LRBA: variants seen among roughly 807,000 people sequenced by gnomAD.
LRBA encodes the protein lipopolysaccharide-responsive and beige-like anchor protein.
In LRBA, 176 loss-of-function variants were observed where a neutral mutation model predicts 330.0. The observed-to-expected ratio is 0.53, with a 90% CI of 0.47 to 0.60. LRBA has a LOEUF of 0.60. Among genes scored for constraint, LRBA ranks in the 20% least tolerant of loss-of-function variants. The pLI is 0.00. For synonymous variants in LRBA, 1,230 were observed against 1,193.0 expected, an observed-to-expected ratio of 1.03 and a Z score of -0.64; for missense variants, 3,259 against 3,444.8, an observed-to-expected ratio of 0.95 and a Z score of 1.35.
intron 11 of LRBA, among the ~76,000 whole-genome samples, chr4:150,907,770 C>A (rs1731514667): frequency 6.6e-6 from 1 of 152,056 alleles, no homozygotes; most frequent in South Asian, 2.1e-4. Flanking sequence ...TTATGACTTA[C>A]CCTATAACTT....
At chr4:151,014,246 C>T (rs977950199) in intron 2 of LRBA, 181 bp downstream of exon 2, 6 of 565,164 alleles carry the variant, frequency 1.1e-5, no homozygotes, top group Non-Finnish European at 1.9e-5. Flanking sequence ...TCTAAGTTTG[C>T]ACAATTCCCT....
At chr4:150,516,322 A>C (rs1762358182) in intron 40 of LRBA, among the ~76,000 whole-genome samples, 1 of 141,402 alleles carries the variant, frequency 7.1e-6, no homozygotes, top group Non-Finnish European at 1.5e-5. Flanking sequence ...AAGCACCTAG[A>C]CTGTACAGTG....
intron 22 of LRBA, among the ~76,000 whole-genome samples, chr4:150,857,981 TTA>T (rs1185927400): frequency 1.3e-5 from 2 of 152,122 alleles, no homozygotes; most frequent in Admixed American, 6.6e-5. Flanking sequence ...TAGCAAATAA[TTA>T]TATGTTATGT....
intron 34 of LRBA, among the ~76,000 whole-genome samples, chr4:150,774,118 C>G (rs1357423490): frequency 2.0e-5 from 3 of 152,152 alleles, no homozygotes; most frequent in African/African-American, 7.2e-5. Flanking sequence ...TTTCATGGAG[C>G]ATTTTGCCAA....
chr4:150,712,860 C>A (rs1786365799), intron 36 of LRBA, among the ~76,000 whole-genome samples: 1 of 152,088 alleles, frequency 6.6e-6, no homozygotes, highest in Non-Finnish European at 1.5e-5. Flanking sequence ...ATCACACACA[C>A]ATTTAGGAGG....
At chr4:151,001,708 A>C (rs1743359020) in intron 2 of LRBA, among the ~76,000 whole-genome samples, 1 of 152,128 alleles carries the variant, frequency 6.6e-6, no homozygotes, top group Non-Finnish European at 1.5e-5. Context: ...CTGGCTACCC[A>C]GAAGACTGAG....
intron 17 of LRBA, among the ~76,000 whole-genome samples, chr4:150,884,540 C>A (rs1051258171): frequency 1.1e-4 from 16 of 152,252 alleles, no homozygotes; most frequent in African/African-American, 2.6e-4. Flanking sequence ...GTAGCTAAAT[C>A]ATTGACTGAA....
At chr4:150,470,126 T>A (rs1324772102) in intron 43 of LRBA, among the ~76,000 whole-genome samples, 1 of 152,156 alleles carries the variant, frequency 6.6e-6, no homozygotes, top group African/African-American at 2.4e-5. Flanking sequence ...GAGGTTGCAG[T>A]GAGCCGAGAT....
intron 36 of LRBA, among the ~76,000 whole-genome samples, chr4:150,700,593 A>AT (rs1785026310): frequency 2.0e-5 from 3 of 152,124 alleles, no homozygotes; most frequent in Admixed American, 2.0e-4. Flanking sequence ...ATTAGAAATT[A>AT]TTTTCTTCAA....
In LRBA at chr4:150,285,999, G is replaced by A. The variant is rs1429446591; in HGVS notation, c.8053C>T (p.His2685Tyr). The A allele has an allele frequency of 6.3e-7, 1 of 1,592,272 alleles. No homozygotes were observed. Among genetic ancestry groups the A allele is most frequent in the Non-Finnish European group, 8.6e-7 (1 of 1,169,230 alleles). ...GCAGCACATGTGACCTCATAGTCAT[G>A]GCCGGTCAAAATGGCCCGAGGAGCA... is the stretch of plus-strand genomic sequence containing the variant. The part of the protein sequence containing the change: ...TAAPRAILTG[H>Y]DYEVTCAAVC... The change falls in exon 54 of 57, where the codon CAT becomes TAT. Residue 2685 changes from histidine to tyrosine, a missense_variant. By Grantham distance (83) the His-to-Tyr change is moderately conservative. Coordinates refer to ENST00000651943, the MANE Select transcript of LRBA (RefSeq NM_001364905.1).
intron 35 of LRBA, among the ~76,000 whole-genome samples, 173 bp from the exon 36 acceptor site, chr4:150,735,539 G>A (rs1423948322): frequency 6.6e-6 from 1 of 152,150 alleles, no homozygotes; most frequent in African/African-American, 2.4e-5. Flanking sequence ...ACAGCAAAAG[G>A]TTACCCTTCT....
chr4:150,458,462 T>C (rs1581377821), intron 44 of LRBA, among the ~76,000 whole-genome samples: 2 of 151,890 alleles, frequency 1.3e-5, no homozygotes, highest in Admixed American at 1.3e-4. Context: ...TTCAGGGTTA[T>C]ATAAATTAAA....
chr4:150,464,430 T>C (rs550673850), intron 44 of LRBA, among the ~76,000 whole-genome samples: 1 of 152,226 alleles, frequency 6.6e-6, no homozygotes, highest in African/African-American at 2.4e-5. Context: ...ACCTACTGCA[T>C]GGCTCATTAC....
intron 34 of LRBA, among the ~76,000 whole-genome samples, chr4:150,777,842 T>C (rs1215629174): frequency 6.6e-6 from 1 of 151,686 alleles, no homozygotes; most frequent in Non-Finnish European, 1.5e-5. Flanking sequence ...CTGGGCATAG[T>C]GCATGCCTGT....
intron 15 of LRBA, 96 bp downstream of exon 15, chr4:150,897,643 T>C: frequency 1.2e-6 from 1 of 866,456 alleles, no homozygotes; most frequent in East Asian, 2.5e-5. Flanking sequence ...GTAACCACAG[T>C]AACCAAGCAA....
chr4:150,910,621 C>A (rs949941420), intron 9 of LRBA, among the ~76,000 whole-genome samples: 8 of 152,082 alleles, frequency 5.3e-5, no homozygotes, highest in African/African-American at 1.9e-4. Flanking sequence ...AACTTTGTTC[C>A]CCTTTTTAAA....
chr4:150,956,817 T>TCA (rs1737595078), intron 2 of LRBA, among the ~76,000 whole-genome samples: 1 of 149,194 alleles, frequency 6.7e-6, no homozygotes, highest in African/African-American at 2.6e-5. Flanking sequence ...CTAATACCTT[T>TCA]CATTATTAAA....
At chr4:150,927,229 C>T (rs555014485) in intron 4 of LRBA, among the ~76,000 whole-genome samples, 54 of 151,640 alleles carry the variant, frequency 3.6e-4, no homozygotes, top group Admixed American at 6.6e-4. Flanking sequence ...AAAAATTAGC[C>T]GCACTTGGTG....
intron 44 of LRBA, among the ~76,000 whole-genome samples, chr4:150,442,934 A>G (rs1349799318): frequency 6.6e-6 from 1 of 152,228 alleles, no homozygotes; most frequent in Admixed American, 6.5e-5. Context: ...GGGAAAAACT[A>G]TGATATATAT....
Sources: gnomAD v4.1 joint callset for allele counts (sites outside exome capture counted in the v4.1 genomes callset) on GRCh38, gnomAD v4.1.1 for gene constraint, MANE v1.5 for transcripts, NCBI Gene and HGNC (gene_info 2026-07-23, HGNC 2026-07-21) for gene names.